The following GABPB1 variants were observed in gnomAD, a reference collection of about 807,000 sequenced individuals.
The protein encoded by GABPB1 is GA binding protein transcription factor subunit beta 1.
In GABPB1, 15 loss-of-function variants were observed where a neutral mutation model predicts 45.9. The ratio of observed to expected loss-of-function variants is 0.33; its 90% CI spans 0.22 to 0.50. The LOEUF is 0.50. Ranked by LOEUF, GABPB1 falls within the 20% of genes least tolerant of loss-of-function variation. GABPB1 has a pLI of 0.98. For synonymous variants in GABPB1, 143 were observed against 154.4 expected, an observed-to-expected ratio of 0.93 and a Z score of 0.55; for missense variants, 252 against 457.5, an observed-to-expected ratio of 0.55 and a Z score of 4.10.
chr15:50,354,693 G>A (rs760981711), intron 1 of GABPB1: 10 of 373,606 alleles, frequency 2.7e-5, no homozygotes, highest in Admixed American at 7.2e-5. Context: ...GGCGGCCGCG[G>A]CATGCTAGGG....
At chr15:50,319,308 G>A (rs2047469496) in intron 1 of GABPB1, among the ~76,000 whole-genome samples, 2 of 152,078 alleles carry the variant, frequency 1.3e-5, no homozygotes, top group Admixed American at 1.3e-4. Flanking sequence ...AGATTCAGCA[G>A]GTACAGGTGC....
At chr15:50,285,287 C>G (rs2046115881) in intron 8 of GABPB1, among the ~76,000 whole-genome samples, 1 of 152,068 alleles carries the variant, frequency 6.6e-6, no homozygotes, top group South Asian at 2.1e-4. Flanking sequence ...CACAATAAAA[C>G]TGAAACTCAG....
chr15:50,285,665 T>A (rs2046127841), intron 8 of GABPB1, among the ~76,000 whole-genome samples: 1 of 152,078 alleles, frequency 6.6e-6, no homozygotes, highest in Admixed American at 6.5e-5. Flanking sequence ...AACATCAACC[T>A]CCTTTAAGAG....
chr15:50,282,906 T>C (rs955701377), intron 8 of GABPB1, among the ~76,000 whole-genome samples: 21 of 152,026 alleles, frequency 1.4e-4, no homozygotes, highest in African/African-American at 5.1e-4. Flanking sequence ...AATACAAGAA[T>C]TACCCAGGCA....
intron 8 of GABPB1, among the ~76,000 whole-genome samples, chr15:50,285,387 G>A (rs1350712616): frequency 6.6e-6 from 1 of 152,072 alleles, no homozygotes; most frequent in Non-Finnish European, 1.5e-5. Flanking sequence ...GGCTGCAGTT[G>A]TTCTTTCAAA....
In GABPB1 at chr15:50,277,496, C is replaced by A. The variant is rs1310643968; in HGVS notation, c.*1136G>T. On this transcript the variant is annotated 3_prime_UTR_variant, in exon 9 of 9. Transcript: ENST00000380877. ...TTTAATGTCCATACATTGTGGAATT[C>A]AACAATATTGTGATGAGAGCAAGTC... The A allele has an allele frequency of 6.7e-6, 1 of 150,326 alleles. No individual in the cohort carries two copies. The highest frequency in any genetic ancestry group is 2.4e-5 in the African/African-American group (1 of 40,948). 9.3% of individuals were successfully genotyped at this position (150,326 alleles called of 1,614,324 possible).
intron 1 of GABPB1, chr15:50,327,227 G>C (rs531712190): frequency 6.6e-6 from 1 of 152,250 alleles, no homozygotes; most frequent in African/African-American, 2.4e-5. Context: ...TAAACTGCTG[G>C]TTCTTGTAAG....
chr15:50,325,995 C>A (rs1370238823), intron 1 of GABPB1, among the ~76,000 whole-genome samples: 1 of 151,766 alleles, frequency 6.6e-6, no homozygotes, highest in East Asian at 1.9e-4. Flanking sequence ...GCAACCTCTG[C>A]CTCCCAGGTT....
At chr15:50,286,005 C>T in intron 8 of GABPB1, 63 bp downstream of exon 8, 1 of 1,577,620 alleles carries the variant, frequency 6.3e-7, no homozygotes, top group Non-Finnish European at 8.6e-7. Context: ...ATATAAAAGA[C>T]AAAAAAAATT....
At chr15:50,334,513 T>C (rs1209392072) in intron 1 of GABPB1, among the ~76,000 whole-genome samples, 1 of 141,902 alleles carries the variant, frequency 7.0e-6, no homozygotes, top group Admixed American at 7.0e-5. Flanking sequence ...TCCTTTTTTT[T>C]TTTTTTTTTT....
intron 1 of GABPB1, among the ~76,000 whole-genome samples, chr15:50,315,627 C>G (rs996674314): frequency 6.6e-6 from 1 of 152,184 alleles, no homozygotes; most frequent in Admixed American, 6.5e-5. Context: ...AAAATCGTAG[C>G]ATTTTCACTT....
chr15:50,318,964 A>T (rs1595795663), intron 1 of GABPB1, among the ~76,000 whole-genome samples: 1 of 152,202 alleles, frequency 6.6e-6, no homozygotes, highest in Non-Finnish European at 1.5e-5. Flanking sequence ...CTGGGGTGTA[A>T]TGTAAAGCAA....
intron 1 of GABPB1, among the ~76,000 whole-genome samples, chr15:50,332,837 T>A (rs1206277007): frequency 6.6e-6 from 1 of 152,158 alleles, no homozygotes; most frequent in Admixed American, 6.5e-5. Flanking sequence ...CCCTTGTTTT[T>A]AATCCATTAG....
chr15:50,299,823 G>A (rs1041406904), intron 6 of GABPB1, among the ~76,000 whole-genome samples: 1 of 151,710 alleles, frequency 6.6e-6, no homozygotes. Flanking sequence ...TTTGGTTTTG[G>A]GTTTTTTTTT....
chr15:50,336,328 T>C (rs2048123582), intron 1 of GABPB1, among the ~76,000 whole-genome samples: 2 of 135,498 alleles, frequency 1.5e-5, no homozygotes, highest in South Asian at 4.6e-4. Context: ...CACTCCAGCG[T>C]GGGCAACAGA....
intron 1 of GABPB1, among the ~76,000 whole-genome samples, chr15:50,341,280 T>C (rs1333328691): frequency 6.6e-6 from 1 of 152,102 alleles, no homozygotes; most frequent in East Asian, 1.9e-4. Context: ...ACACCTGTAA[T>C]CCCAGCACTT....
Position 50,286,142 on chromosome 15 carries a change from T to C in GABPB1, c.925A>G (p.Ile309Val), listed in dbSNP as rs768433325. The change falls in exon 8 of 9, where the codon ATA (isoleucine) becomes GTA (valine). Residue 309 changes from isoleucine to valine, a missense_variant. Transcript: ENST00000380877. ...CTCTTAGCTGGTGGTTCTTCACTTATAACAGTTTCTTCAGCAATGTCTGTT... is the reference window on the plus strand; with the variant it reads ...CTCTTAGCTGGTGGTTCTTCACTTACAACAGTTTCTTCAGCAATGTCTGTT... ...PATDIAEETV[I>V]SEEPPAKRQC... 4 of 1,607,422 alleles carry C rather than the reference T, an allele frequency of 2.5e-6. No homozygotes were observed. The highest frequency in any genetic ancestry group is 3.4e-6 in the Non-Finnish European group (4 of 1,176,582).
At chr15:50,285,297 G>A (rs945217335) in intron 8 of GABPB1, among the ~76,000 whole-genome samples, 2 of 152,090 alleles carry the variant, frequency 1.3e-5, no homozygotes, top group African/African-American at 4.8e-5. Flanking sequence ...CTGAAACTCA[G>A]AAAGATAAGA....
intron 1 of GABPB1, chr15:50,353,819 A>C (rs1211924680): frequency 1.3e-5 from 2 of 152,736 alleles, no homozygotes; most frequent in Non-Finnish European, 2.9e-5. Flanking sequence ...CTTTACAAGG[A>C]CCATTTACAG....
Sources: gnomAD v4.1 joint callset for allele counts (sites outside exome capture counted in the v4.1 genomes callset) on GRCh38, gnomAD v4.1.1 for gene constraint, MANE v1.5 for transcripts, NCBI Gene and HGNC (gene_info 2026-07-23, HGNC 2026-07-21) for gene names.